Variants in TRAF3 observed in about 807,000 individuals in gnomAD.
The protein encoded by TRAF3 is TNF receptor associated factor 3.
A neutral mutation model predicts 62.3 loss-of-function variants in TRAF3; 13 were observed. The observed-to-expected ratio is 0.21, with a 90% CI of 0.14 to 0.33. The LOEUF is 0.33. Ranked by LOEUF, TRAF3 falls within the 10% of genes least tolerant of loss-of-function variation. The pLI is 1.00. For synonymous variants in TRAF3, 269 were observed against 283.4 expected (o/e 0.95, Z 0.51); for missense variants, 440 against 741.8 (o/e 0.59, Z 4.73).
chr14:102,781,699 T>G (rs996330637), intron 1 of TRAF3, among the ~76,000 whole-genome samples: 3 of 152,074 alleles, frequency 2.0e-5, no homozygotes, highest in Admixed American at 6.6e-5. Flanking sequence ...CGATCTCGGC[T>G]TGCTGCAACC....
rs1207571595 is a variant in TRAF3, at chr14:102,876,379, C to T, written c.424C>T (p.His142Tyr). Residue 142 changes from histidine to tyrosine, a missense_variant, in exon 6 of 12, where the codon CAT (histidine) becomes TAT (tyrosine). Transcript: ENST00000392745. ...HLLVHLKNDC[H>Y]FEELPCVRPD... ...ACAGGTGCATTTAAAAAATGATTGC[C>T]ATTTTGAAGAACTTCCATGTGTGCG... 4 of 1,614,034 alleles carry T rather than the reference C, an allele frequency of 2.5e-6. No homozygotes were observed. The highest frequency in any genetic ancestry group is 3.4e-6 in the Non-Finnish European group (4 of 1,180,028).
intron 1 of TRAF3, among the ~76,000 whole-genome samples, chr14:102,790,149 A>G (rs1392387981): frequency 1.3e-5 from 2 of 151,920 alleles, no homozygotes; most frequent in East Asian, 3.9e-4. Context: ...TTATTGTTTT[A>G]GTTTTTACCT....
chr14:102,871,207 C>T (rs1344235719), intron 3 of TRAF3, among the ~76,000 whole-genome samples: 1 of 152,252 alleles, frequency 6.6e-6, no homozygotes, highest in East Asian at 1.9e-4. Flanking sequence ...GCACAGCAGC[C>T]AGCCCCCTGC....
At chr14:102,861,949 C>G (rs1046242522) in intron 2 of TRAF3, among the ~76,000 whole-genome samples, 3 of 151,986 alleles carry the variant, frequency 2.0e-5, no homozygotes, top group Admixed American at 2.0e-4. Context: ...GATGCTAAAC[C>G]CTTATTAGAT....
intron 2 of TRAF3, among the ~76,000 whole-genome samples, chr14:102,839,538 A>T (rs1041904536): frequency 6.6e-5 from 10 of 152,014 alleles, no homozygotes; most frequent in Admixed American, 1.3e-4. Flanking sequence ...CTTTTAGTTG[A>T]ATTTGTGTGT....
intron 1 of TRAF3, among the ~76,000 whole-genome samples, chr14:102,794,913 A>G (rs1014622108): frequency 1.8e-4 from 27 of 152,232 alleles, no homozygotes; most frequent in African/African-American, 6.0e-4. Context: ...CTTTGGGTCC[A>G]TACGTTTTTT....
intron 1 of TRAF3, among the ~76,000 whole-genome samples, chr14:102,784,930 G>T (rs542303973): frequency 6.6e-6 from 1 of 152,280 alleles, no homozygotes; most frequent in East Asian, 1.9e-4. Context: ...CTTCAGGGGA[G>T]AGGGTACAGG....
chr14:102,841,338 G>A (rs1326928310), intron 2 of TRAF3, among the ~76,000 whole-genome samples: 1 of 152,230 alleles, frequency 6.6e-6, no homozygotes, highest in Non-Finnish European at 1.5e-5. Context: ...AGCACCTCAA[G>A]GCTGGGAGGA....
chr14:102,812,971 T>G (rs1233250626), intron 1 of TRAF3, among the ~76,000 whole-genome samples: 2 of 152,152 alleles, frequency 1.3e-5, no homozygotes, highest in Non-Finnish European at 2.9e-5. Flanking sequence ...TTGTTATTAT[T>G]TATTTGTTTA....
intron 1 of TRAF3, among the ~76,000 whole-genome samples, chr14:102,807,632 C>T (rs771701581): frequency 6.6e-6 from 1 of 152,146 alleles, no homozygotes; most frequent in Non-Finnish European, 1.5e-5. Context: ...CCCTCCTTCC[C>T]GCAGAGTTGG....
intron 2 of TRAF3, among the ~76,000 whole-genome samples, chr14:102,854,030 A>G (rs981569809): frequency 6.6e-6 from 1 of 152,178 alleles, no homozygotes; most frequent in Non-Finnish European, 1.5e-5. Context: ...TGTAATAGGA[A>G]TCATACAATA....
intron 9 of TRAF3, among the ~76,000 whole-genome samples, chr14:102,895,394 G>A (rs1889949648): frequency 6.6e-6 from 1 of 152,220 alleles, no homozygotes; most frequent in Non-Finnish European, 1.5e-5. Context: ...TTGGCCAACT[G>A]TGCCGAATAT....
intron 3 of TRAF3, 28 bp downstream of exon 3, chr14:102,870,474 C>T (rs769967681): frequency 5.6e-5 from 90 of 1,610,300 alleles, no homozygotes; most frequent in South Asian, 1.3e-4. Flanking sequence ...GCCCGTCGCC[C>T]GGCCCCTTCT....
chr14:102,900,202 A>AAAAAAC (rs1890215537), intron 10 of TRAF3, among the ~76,000 whole-genome samples: 1 of 146,022 alleles, frequency 6.8e-6, no homozygotes, highest in African/African-American at 2.5e-5. Flanking sequence ...AAAAAAAAAA[A>AAAAAAC]AGACAGCCTA....
chr14:102,861,968 T>G (rs1421116458), intron 2 of TRAF3, among the ~76,000 whole-genome samples: 2 of 152,244 alleles, frequency 1.3e-5, no homozygotes, highest in Admixed American at 6.5e-5. Flanking sequence ...ATATGTGATT[T>G]GCAAGTATTT....
chr14:102,872,083 A>G, intron 4 of TRAF3, 115 bp downstream of exon 4: 1 of 1,098,354 alleles, frequency 9.1e-7, no homozygotes, highest in South Asian at 1.3e-5. Context: ...TTGGCAGCTG[A>G]TGCGGCAGGC....
At chr14:102,809,555 C>T (rs796956165) in intron 1 of TRAF3, among the ~76,000 whole-genome samples, 19 of 113,948 alleles carry the variant, frequency 1.7e-4, no homozygotes, top group African/African-American at 6.1e-4. Context: ...TTTTTTGAGA[C>T]GGAGTCTTGC....
chr14:102,870,666 G>T (rs182759583), intron 3 of TRAF3, among the ~76,000 whole-genome samples: 2 of 152,164 alleles, frequency 1.3e-5, no homozygotes, highest in Non-Finnish European at 2.9e-5. Context: ...TGCCCCGCCC[G>T]TGTCTTCCCA....
At chr14:102,863,557 T>A (rs754325159) in intron 2 of TRAF3, among the ~76,000 whole-genome samples, 1 of 152,172 alleles carries the variant, frequency 6.6e-6, no homozygotes, top group Non-Finnish European at 1.5e-5. Context: ...CAGCCAGAGG[T>A]GAAAGCCTAG....
Sources: gnomAD v4.1 joint callset for allele counts (sites outside exome capture counted in the v4.1 genomes callset) on GRCh38, gnomAD v4.1.1 for gene constraint, MANE v1.5 for transcripts, NCBI Gene and HGNC (gene_info 2026-07-23, HGNC 2026-07-21) for gene names.